Variants in BFSP1 observed in about 807,000 individuals in gnomAD.
The protein encoded by BFSP1 is beaded filament structural protein 1.
Under a neutral mutation model 43.9 loss-of-function variants are expected in BFSP1, and 38 were observed. That is an observed-to-expected ratio of 0.87 (90% CI 0.67 to 1.14). BFSP1 has a LOEUF of 1.14. Among genes scored for constraint, BFSP1 ranks in the 50% most tolerant of loss-of-function variants. BFSP1 has a pLI of 0.00. For missense variants in BFSP1, 850 were observed against 875.1 expected (o/e 0.97, Z 0.36); for synonymous variants, 352 against 354.8 (o/e 0.99, Z 0.09).
At chr20:17,515,085 C>T (rs1018072551) in intron 2 of BFSP1, among the ~76,000 whole-genome samples, 7 of 152,132 alleles carry the variant, frequency 4.6e-5, no homozygotes, top group African/African-American at 1.7e-4. Context: ...TAGTTGTCAC[C>T]ACTTTAGTGG....
chr20:17,542,928 T>G (rs1007835894), intron 1 of BFSP1, among the ~76,000 whole-genome samples: 7 of 152,220 alleles, frequency 4.6e-5, no homozygotes, highest in Non-Finnish European at 8.8e-5. Context: ...TTTCAAAAAC[T>G]AGGGAAGTCA....
Position 17,525,181 on chromosome 20 carries a change from G to C in BFSP1, c.378-273C>G, listed in dbSNP as rs1048946603. Among the ~76,000 whole-genome samples, 8 of 152,026 alleles carry C rather than the reference G, an allele frequency of 5.3e-5. No individual in the cohort carries two copies. The highest frequency in any genetic ancestry group is 8.8e-5 in the Non-Finnish European group (6 of 67,990). ...GAAGGCACCAACCCCAGCCCCTACA[G>C]CCTTATTCCCAGCCACCCCAAGGAT... On this transcript the variant is annotated intron_variant, in intron 1 of 7. Coordinates refer to ENST00000377873, the MANE Select transcript of BFSP1 (RefSeq NM_001195.5). The surrounding 1 kb of genome is among the most constrained non-coding windows in gnomAD (Gnocchi z 4.2).
rs375452375 is a variant in BFSP1 at position 17,512,044 on chromosome 20, T to C, written c.559A>G (p.Ile187Val). The C allele has an allele frequency of 2.1e-5, 34 of 1,610,388 alleles. No individual in the cohort carries two copies. Among genetic ancestry groups the C allele is most frequent in the African/African-American group, 2.7e-5 (2 of 74,798 alleles). The stretch of plus-strand genomic sequence containing the variant: ...TGGATGATCTGCTGCAGGATGCTGA[T>C]ATAGGTCTGAACTTCCAGAAGATTC... Reference protein sequence around the residue: ...KKNLLEVQTYISILQQIIHTT... With the variant: ...KKNLLEVQTYVSILQQIIHTT... The change falls in exon 4 of 8, where the codon ATC becomes GTC. Residue 187 changes from isoleucine to valine, a missense_variant. Coordinates refer to ENST00000377873, the MANE Select transcript of BFSP1 (RefSeq NM_001195.5).
Position 17,541,931 on chromosome 20 carries a change from C to A in BFSP1, c.2+16757G>T, listed in dbSNP as rs367885196. Among the ~76,000 whole-genome samples the A allele has an allele frequency of 5.3e-5, 8 of 152,300 alleles. No individual in the cohort carries two copies. The East Asian group carries it at 7.7e-4, about 15-fold the overall frequency. ...TAAATAGGATATTTTGGACCAAATT[C>A]TCTCAGAGTACATTATTTTCTCAAG... On this transcript the variant is annotated intron_variant, in intron 1 of 7. Transcript: ENST00000377868.
intron 3 of BFSP1, among the ~76,000 whole-genome samples, chr20:17,514,012 C>T (rs1012008757): frequency 5.3e-5 from 8 of 152,200 alleles, no homozygotes; most frequent in Admixed American, 3.3e-4. Flanking sequence ...CCACTACAGG[C>T]GGAGCAGCCT....
upstream of BFSP1, among the ~76,000 whole-genome samples, chr20:17,533,203 AAAT>A (rs933278178): frequency 5.3e-5 from 8 of 152,154 alleles, no homozygotes; most frequent in African/African-American, 9.6e-5. Flanking sequence ...ATAAAAATAA[AAAT>A]AATAAATAAA....
intron 2 of BFSP1, among the ~76,000 whole-genome samples, chr20:17,518,609 C>G (rs552771535): frequency 2.0e-5 from 3 of 152,168 alleles, no homozygotes; most frequent in African/African-American, 7.2e-5. Context: ...ATTTCACAAG[C>G]CTGGGAAGCC....
chr20:17,521,522 C>T (rs191482662), intron 2 of BFSP1, among the ~76,000 whole-genome samples: 1 of 152,268 alleles, frequency 6.6e-6, no homozygotes, highest in East Asian at 1.9e-4. Context: ...GCTAAAACCT[C>T]GTTGATCTGA....
chr20:17,528,963 C>T (rs2034476103), intron 1 of BFSP1, among the ~76,000 whole-genome samples: 1 of 152,182 alleles, frequency 6.6e-6, no homozygotes, highest in South Asian at 2.1e-4. Flanking sequence ...AATGTTTAAG[C>T]TTCTGGGCCC....
intron 1 of BFSP1, among the ~76,000 whole-genome samples, chr20:17,536,699 T>C (rs1346228725): frequency 6.6e-6 from 1 of 152,126 alleles, no homozygotes; most frequent in Non-Finnish European, 1.5e-5. Flanking sequence ...CCCTTTCAGT[T>C]GAGATACATT....
chr20:17,561,421 C>A (rs536714266), upstream of BFSP1, among the ~76,000 whole-genome samples: 16 of 152,112 alleles, frequency 1.1e-4, no homozygotes, highest in Non-Finnish European at 2.1e-4. Context: ...ATCGCTTGGA[C>A]CCGGGAGGTA....
At chr20:17,498,652 A>G (rs941861414) in intron 6 of BFSP1, among the ~76,000 whole-genome samples, 168 bp downstream of exon 6, 1 of 152,144 alleles carries the variant, frequency 6.6e-6, no homozygotes, top group African/African-American at 2.4e-5. Flanking sequence ...TCGTACCTTC[A>G]TCCTCTGTCT....
At chr20:17,536,914 A>G (rs1486677619) in intron 1 of BFSP1, among the ~76,000 whole-genome samples, 1 of 152,188 alleles carries the variant, frequency 6.6e-6, no homozygotes, top group Non-Finnish European at 1.5e-5. Flanking sequence ...TATTCCTCCA[A>G]ATCTCACATG....
Position 17,495,042 on chromosome 20 carries a change from A to G in BFSP1, c.1043-13T>C, listed in dbSNP as rs1337470773. Reference sequence around the variant, plus strand: ...GCTCTGGTAAGATCTGGAAAAACACACAGGCAGAAATTCAAGTATAATTGT... The same window carrying G: ...GCTCTGGTAAGATCTGGAAAAACACGCAGGCAGAAATTCAAGTATAATTGT... On this transcript the variant is annotated splice_polypyrimidine_tract_variant and intron_variant, in intron 7 of 7. Transcript: ENST00000377873. 2 of 1,584,102 alleles carry G rather than the reference A, an allele frequency of 1.3e-6. No individual in the cohort carries two copies. The highest frequency in any genetic ancestry group is 1.7e-6 in the Non-Finnish European group (2 of 1,164,110).
At chr20:17,556,711 GA>G (rs1347186056) in intron 1 of BFSP1, among the ~76,000 whole-genome samples, 3 of 151,232 alleles carry the variant, frequency 2.0e-5, no homozygotes, top group Non-Finnish European at 4.4e-5. Context: ...TTTCTACCCA[GA>G]GTTTTTTTTT....
intron 7 of BFSP1, among the ~76,000 whole-genome samples, chr20:17,496,367 G>A (rs771415938): frequency 6.2e-4 from 95 of 152,190 alleles, no homozygotes; most frequent in Non-Finnish European, 1.1e-3. Flanking sequence ...GGGAGATTTC[G>A]ATGTGAGGTG....
chr20:17,498,674 T>C, intron 6 of BFSP1, 146 bp downstream of exon 6: 1 of 952,006 alleles, frequency 1.1e-6, no homozygotes, highest in Non-Finnish European at 1.6e-6. Flanking sequence ...CCCTACTAGT[T>C]ATCCAACACC....
chr20:17,545,204 G>C (rs1442726820), intron 1 of BFSP1, among the ~76,000 whole-genome samples: 3 of 152,174 alleles, frequency 2.0e-5, no homozygotes, highest in Non-Finnish European at 4.4e-5. Flanking sequence ...AGCAGGTAGG[G>C]CTTTTTTTTA....
intron 5 of BFSP1, among the ~76,000 whole-genome samples, chr20:17,501,957 A>G (rs2123464484): frequency 6.6e-6 from 1 of 152,314 alleles, no homozygotes; most frequent in South Asian, 2.1e-4. Flanking sequence ...GCGAGCTTTC[A>G]TGTGCATGGC....
Sources: allele counts gnomAD v4.1 joint callset (sites outside exome capture counted in the v4.1 genomes callset), GRCh38; gene constraint gnomAD v4.1.1; non-coding constraint Gnocchi (gnomAD v3.1); transcripts MANE v1.5; gene names NCBI Gene and HGNC (gene_info 2026-07-23, HGNC 2026-07-21).